The following PHACTR3 variants were observed in gnomAD, a reference collection of about 807,000 sequenced individuals.
The protein encoded by PHACTR3 is phosphatase and actin regulator 3, also known as protein phosphatase 1, regulatory subunit 123.
PHACTR3 carries 16 observed loss-of-function variants against 66.8 expected under a neutral mutation model. That is an observed-to-expected ratio of 0.24 (90% confidence interval 0.16 to 0.36). The LOEUF (loss-of-function observed/expected upper bound fraction) is 0.36. Among genes scored for constraint, PHACTR3 ranks in the 10% least tolerant of loss-of-function variants. The probability of loss-of-function intolerance (pLI) is 1.00; values close to 1 mark genes in which losing one functional copy is unlikely to be tolerated. For synonymous variants in PHACTR3, 323 were observed against 292.1 expected (o/e 1.11, Z -1.08); for missense variants, 647 against 719.9 (o/e 0.90, Z 1.16).
At chr20:59,768,888 C>T (rs183216848) in intron 5 of PHACTR3, among the ~76,000 whole-genome samples, 310 of 152,344 alleles carry the variant, frequency 2.0e-3, no homozygotes, top group Non-Finnish European at 3.7e-3. Context: ...CCACAGGGGG[C>T]CTCTTTAGCT....
At chr20:59,802,998 G>A (rs2041461683) in intron 7 of PHACTR3, among the ~76,000 whole-genome samples, 1 of 152,212 alleles carries the variant, frequency 6.6e-6, no homozygotes, top group Non-Finnish European at 1.5e-5. Context: ...TGCACTGGGT[G>A]AGCTCTGGAT....
At position 59,604,958 on chromosome 20, in the gene PHACTR3, T is replaced by C; in HGVS notation, c.-57T>C. On this transcript the variant is annotated 5_prime_UTR_variant, in exon 1 of 13. Transcript: ENST00000371015. ...CCCCTCGCCGGTGACCTTGGCCGCC[T>C]CGGATGCTCTGATTCCACGCGGCTC... is the stretch of plus-strand genomic sequence containing the variant. 1 of 1,135,836 alleles carries C rather than the reference T, an allele frequency of 8.8e-7. No homozygotes were observed. 70.4% of individuals were successfully genotyped at this position (1,135,836 alleles called of 1,614,324 possible). A position where few individuals can be genotyped will look rare whatever the true frequency, so the allele number is the denominator to read the frequency against.
chr20:59,711,719 T>C (rs1280502065), intron 1 of PHACTR3, among the ~76,000 whole-genome samples: 3 of 152,218 alleles, frequency 2.0e-5, no homozygotes, highest in Non-Finnish European at 2.9e-5. Context: ...AAATACTGTT[T>C]ACCCCGTCAA....
chr20:59,750,672 G>A (rs1200421761), intron 3 of PHACTR3, among the ~76,000 whole-genome samples: 6 of 151,362 alleles, frequency 4.0e-5, no homozygotes, highest in South Asian at 2.1e-4. Flanking sequence ...GGCGGCCACA[G>A]TGCGAGTGGG....
intron 1 of PHACTR3, chr20:59,676,886 T>C (rs2036465821): frequency 1.5e-5 from 2 of 131,152 alleles, no homozygotes; most frequent in South Asian, 2.5e-4. Flanking sequence ...AGAGAATGGC[T>C]TTTTTTTTTT....
At chr20:59,611,749 G>A (rs576393654) in intron 1 of PHACTR3, among the ~76,000 whole-genome samples, 12 of 152,262 alleles carry the variant, frequency 7.9e-5, no homozygotes, top group South Asian at 4.1e-4. Context: ...GTTGTTCCCC[G>A]GCTCCCTTCC....
intron 1 of PHACTR3, among the ~76,000 whole-genome samples, chr20:59,606,670 A>C (rs1295565872): frequency 6.6e-6 from 1 of 152,188 alleles, no homozygotes; most frequent in Non-Finnish European, 1.5e-5. Flanking sequence ...AGTAAGAGGA[A>C]GCAAACTTGA....
intron 1 of PHACTR3, among the ~76,000 whole-genome samples, chr20:59,671,586 A>G (rs2036197761): frequency 2.0e-5 from 3 of 152,204 alleles, no homozygotes; most frequent in South Asian, 2.1e-4. Context: ...TTTCACACCA[A>G]TATCTGGATT....
In PHACTR3 at chr20:59,736,688, G is replaced by A. The variant is rs556119305; in HGVS notation, c.119-6419G>A. Among the ~76,000 whole-genome samples, 16 of 152,250 alleles carry A rather than the reference G, an allele frequency of 1.1e-4. No individual in the cohort carries two copies. Among genetic ancestry groups the A allele is most frequent in the South Asian group, 2.1e-4 (1 of 4,816 alleles). On this transcript the variant is annotated intron_variant, in intron 1 of 12. Coordinates refer to ENST00000371015, the MANE Select transcript of PHACTR3 (RefSeq NM_080672.5). This position sits in a 1 kb window ranked among gnomAD's most constrained non-coding sequence, Gnocchi z 4.6. ...TGCCGTGGATGACCACACCTGCCCCGCTGTACACCTGCAGTGATGGGCTCA... is the reference window on the plus strand; with the variant it reads ...TGCCGTGGATGACCACACCTGCCCCACTGTACACCTGCAGTGATGGGCTCA...
At chr20:59,803,937 C>T (rs1022121646) in intron 7 of PHACTR3, among the ~76,000 whole-genome samples, 2 of 152,166 alleles carry the variant, frequency 1.3e-5, no homozygotes, top group African/African-American at 4.8e-5. Flanking sequence ...GCTCTCCGTC[C>T]GTCCCTGCAC....
rs556447544 is a variant in PHACTR3 at position 59,671,032 on chromosome 20, C to T, written c.118+65900C>T. On this transcript the variant is annotated intron_variant, in intron 1 of 12. Coordinates refer to ENST00000371015, the MANE Select transcript of PHACTR3 (RefSeq NM_080672.5). ...CCTTGTGAGGCTGCCCCACCCCCTC[C>T]ACAGCTCCTCCCTGGTCCAATGGGA... Among the ~76,000 whole-genome samples, 27 of 152,336 alleles carry T rather than the reference C, an allele frequency of 1.8e-4. 1 individual carries two copies. The South Asian group carries it at 5.0e-3, about 28-fold the overall frequency.
At chr20:59,747,105 G>A (rs991782032) in intron 2 of PHACTR3, among the ~76,000 whole-genome samples, 1 of 152,306 alleles carries the variant, frequency 6.6e-6, no homozygotes, top group African/African-American at 2.4e-5. Context: ...GGTGGCCGTC[G>A]CTCAAGAGTG....
chr20:59,816,226 G>C (rs1382645348), intron 8 of PHACTR3, among the ~76,000 whole-genome samples: 2 of 152,088 alleles, frequency 1.3e-5, no homozygotes, highest in Non-Finnish European at 2.9e-5. Flanking sequence ...ACAATCTGCT[G>C]AGAATCGAAT....
chr20:59,626,345 G>A (rs2034446180), intron 1 of PHACTR3: 1 of 152,400 alleles, frequency 6.6e-6, no homozygotes, highest in Non-Finnish European at 1.5e-5. Context: ...ATAGATGCCT[G>A]GAGTGATGAT....
chr20:59,609,010 G>T (rs913858833), intron 1 of PHACTR3, among the ~76,000 whole-genome samples: 1 of 152,214 alleles, frequency 6.6e-6, no homozygotes, highest in Non-Finnish European at 1.5e-5. Flanking sequence ...GGACGAATGG[G>T]CACAAGCCCC....
chr20:59,723,750 G>A (rs1486315697), intron 1 of PHACTR3, among the ~76,000 whole-genome samples: 1 of 151,928 alleles, frequency 6.6e-6, no homozygotes, highest in Non-Finnish European at 1.5e-5. Context: ...TTTGGGCAAT[G>A]GTAAGGAGTG....
chr20:59,776,507 C>CGGGGAGGATAGCCCCT (rs1172943178), intron 7 of PHACTR3, among the ~76,000 whole-genome samples: 1 of 84,346 alleles, frequency 1.2e-5, no homozygotes, highest in Non-Finnish European at 3.6e-5. Flanking sequence ...ACCAGCCACA[C>CGGGGAGGATAGCCCCT]GGGGAGGATA....
At chr20:59,617,275 A>T (rs147324532) in intron 1 of PHACTR3, among the ~76,000 whole-genome samples, 1 of 152,050 alleles carries the variant, frequency 6.6e-6, no homozygotes, top group East Asian at 1.9e-4. Flanking sequence ...AGGGAGAAAA[A>T]CCCAAAAAAA....
At chr20:59,735,090 G>T (rs958681338) in intron 1 of PHACTR3, among the ~76,000 whole-genome samples, 1 of 152,018 alleles carries the variant, frequency 6.6e-6, no homozygotes, top group Non-Finnish European at 1.5e-5. Flanking sequence ...TGGTCTCCAC[G>T]TATTGGTGTT....
Sources: allele counts gnomAD v4.1 joint callset (sites outside exome capture counted in the v4.1 genomes callset), GRCh38; gene constraint gnomAD v4.1.1; non-coding constraint Gnocchi (gnomAD v3.1); transcripts MANE v1.5; gene names NCBI Gene and HGNC (gene_info 2026-07-23, HGNC 2026-07-21).